SORCS1: variants seen among roughly 807,000 people sequenced by gnomAD.
SORCS1 encodes the protein sortilin related VPS10 domain containing receptor 1.
In SORCS1, 60 loss-of-function variants were observed where a neutral mutation model predicts 146.1. That is an observed-to-expected ratio of 0.41 (90% confidence interval 0.33 to 0.51). The LOEUF is 0.51. SORCS1 is among the 20% of genes least tolerant of loss of function. SORCS1 has a pLI of 0.21. For synonymous variants in SORCS1, 637 were observed against 584.0 expected, an observed-to-expected ratio of 1.09 and a Z score of -1.31; for missense variants, 1,352 against 1,487.6, an observed-to-expected ratio of 0.91 and a Z score of 1.50.
At chr10:106,913,921 A>G (rs1952286884) in intron 2 of SORCS1, among the ~76,000 whole-genome samples, 1 of 152,290 alleles carries the variant, frequency 6.6e-6, no homozygotes, top group Admixed American at 6.5e-5. Flanking sequence ...CACAGAGAAA[A>G]GAAAATACAA....
intron 13 of SORCS1, among the ~76,000 whole-genome samples, chr10:106,676,065 C>T (rs541318056): frequency 2.0e-4 from 30 of 152,248 alleles, no homozygotes; most frequent in African/African-American, 7.0e-4. Context: ...AGATGGCCAC[C>T]GAGGACCTTT....
At position 106,620,338 on chromosome 10, in the gene SORCS1, A is replaced by C. The variant is rs114542743; in HGVS notation, c.2796+90T>G. 828 of 1,512,766 alleles carry C rather than the reference A, an allele frequency of 5.5e-4. 5 individuals are homozygous for C. The African/African-American group carries it at 0.01, about 19-fold the overall frequency. The allele number at this position is 1,512,766 out of a possible 1,614,324, so 93.7% of individuals were successfully genotyped here. A position where few individuals can be genotyped will look rare whatever the true frequency, so the allele number is the denominator to read the frequency against. ...GAAGCTACAACTGCTTCTACACTCTAGGGTTCATAAGCCATTTCATTCCCT... is the reference window on the plus strand; with the variant it reads ...GAAGCTACAACTGCTTCTACACTCTCGGGTTCATAAGCCATTTCATTCCCT... On this transcript the variant is annotated intron_variant, in intron 20 of 25. Coordinates refer to ENST00000263054, the MANE Select transcript of SORCS1 (RefSeq NM_052918.5).
At chr10:106,732,613 A>C (rs1480051620) in intron 5 of SORCS1, among the ~76,000 whole-genome samples, 1 of 152,236 alleles carries the variant, frequency 6.6e-6, no homozygotes, top group Non-Finnish European at 1.5e-5. Context: ...GCAGTACCCC[A>C]GAAACACAAG....
chr10:107,102,575 C>A (rs892089694), intron 1 of SORCS1, among the ~76,000 whole-genome samples: 2 of 152,104 alleles, frequency 1.3e-5, no homozygotes, highest in Admixed American at 1.3e-4. Context: ...ATTTTGCTTC[C>A]TATGCTCAGT....
intron 3 of SORCS1, among the ~76,000 whole-genome samples, chr10:106,798,004 G>A (rs1377459440): frequency 6.6e-6 from 1 of 152,170 alleles, no homozygotes; most frequent in Non-Finnish European, 1.5e-5. Context: ...TGGTTTGGCT[G>A]TGTCCCCACC....
At chr10:107,175,288 A>G in the SORCS1 span, among the ~76,000 whole-genome samples, 6 of 152,098 alleles carry the variant, frequency 3.9e-5, no homozygotes, top group Non-Finnish European at 8.8e-5. Context: ...ATAAGAGTTC[A>G]CCCTTTCTCT....
chr10:106,770,082 G>A (rs1402909036), intron 4 of SORCS1, among the ~76,000 whole-genome samples: 1 of 152,150 alleles, frequency 6.6e-6, no homozygotes, highest in East Asian at 1.9e-4. Context: ...AAGACAGTAA[G>A]ACTGTCTCAA....
chr10:107,104,353 G>A (rs1274253625), intron 1 of SORCS1, among the ~76,000 whole-genome samples: 1 of 152,182 alleles, frequency 6.6e-6, no homozygotes, highest in Non-Finnish European at 1.5e-5. Flanking sequence ...TTATCCACTA[G>A]TTCCAAAAGA....
At chr10:106,872,089 A>C (rs1950429066) in intron 2 of SORCS1, among the ~76,000 whole-genome samples, 1 of 152,252 alleles carries the variant, frequency 6.6e-6, no homozygotes, top group Non-Finnish European at 1.5e-5. Context: ...ATGAACAATA[A>C]ACAAACATAT....
the SORCS1 span, among the ~76,000 whole-genome samples, chr10:107,175,031 C>T: frequency 1.3e-5 from 2 of 152,256 alleles, no homozygotes; most frequent in African/African-American, 2.4e-5. Flanking sequence ...AATATGGTCA[C>T]GTTTTTCTCC....
chr10:107,164,166 C>T lies in SORCS1; in HGVS notation c.361G>A (p.Gly121Arg). 6.2e-7 allele frequency: 1 copy of T among 1,612,788 alleles called. No individual in the cohort carries two copies. The highest frequency in any genetic ancestry group is 8.5e-7 in the Non-Finnish European group (1 of 1,180,006). Residue 121 changes from glycine to arginine, a missense_variant, in exon 1 of 26, where the codon GGA becomes AGA. Coordinates refer to ENST00000263054, the MANE Select transcript of SORCS1 (RefSeq NM_052918.5). The surrounding 1 kb of genome is among the most constrained non-coding windows in gnomAD (Gnocchi z 6.8). ...CGGGGGCTCCGACTCGCGCCCTCTC[C>T]CCGTTCTGCCTTCTCCTGATCCGCT... The part of the protein sequence containing the change: ...SGADQEKAER[G>R]EGASRSPRGV...
chr10:107,066,164 C>A (rs990189613), intron 1 of SORCS1, among the ~76,000 whole-genome samples: 1 of 152,112 alleles, frequency 6.6e-6, no homozygotes, highest in Non-Finnish European at 1.5e-5. Flanking sequence ...GACTCCTTTT[C>A]TCATTTGGTC....
At chr10:106,892,194 T>C (rs1003081159) in intron 2 of SORCS1, among the ~76,000 whole-genome samples, 1 of 152,314 alleles carries the variant, frequency 6.6e-6, no homozygotes. Context: ...CCAAATCAAA[T>C]GGGAACACGT....
At chr10:106,958,117 A>G (rs968098925) in intron 1 of SORCS1, among the ~76,000 whole-genome samples, 4 of 152,256 alleles carry the variant, frequency 2.6e-5, no homozygotes, top group Non-Finnish European at 4.4e-5. Context: ...CATGAGCCCA[A>G]GCACACTTGC....
chr10:106,914,257 T>C (rs1279731195), intron 2 of SORCS1, among the ~76,000 whole-genome samples: 1 of 152,218 alleles, frequency 6.6e-6, no homozygotes, highest in African/African-American at 2.4e-5. Context: ...TTTTTTCTCC[T>C]TTCTCCCATT....
chr10:106,978,574 C>A lies in SORCS1; in HGVS notation c.559-21994G>T, dbSNP rs188040408. Among the ~76,000 whole-genome samples the A allele has an allele frequency of 3.8e-3, 584 of 152,062 alleles. 4 individuals carry two copies. The highest frequency in any genetic ancestry group is 0.014 in the Middle Eastern group (4 of 294). ...CAGCACTTTGGGAGGCCGAGGCAGG[C>A]AGATCATGAGGTCAGGAGTTTGAGA... On this transcript the variant is annotated intron_variant, in intron 1 of 25. Coordinates refer to ENST00000263054, the MANE Select transcript of SORCS1 (RefSeq NM_052918.5).
chr10:106,765,667 C>T (rs1184212617), intron 4 of SORCS1, among the ~76,000 whole-genome samples: 1 of 151,974 alleles, frequency 6.6e-6, no homozygotes, highest in African/African-American at 2.4e-5. Flanking sequence ...TCCTAGTCTA[C>T]AGCAGATGAA....
intron 3 of SORCS1, among the ~76,000 whole-genome samples, chr10:106,827,039 T>C (rs1190409752): frequency 2.6e-5 from 4 of 151,146 alleles, no homozygotes; most frequent in African/African-American, 7.3e-5. Context: ...TTAGGCTCTT[T>C]GCTGTATTAT....
intron 1 of SORCS1, among the ~76,000 whole-genome samples, chr10:107,082,314 G>GGGTTT (rs1327039838): frequency 5.0e-4 from 76 of 152,070 alleles, no homozygotes; most frequent in Middle Eastern, 3.4e-3. Flanking sequence ...TTGTTTGGTT[G>GGGTTT]GGTTTTGTTT....
Sources: allele counts gnomAD v4.1 joint callset (sites outside exome capture counted in the v4.1 genomes callset), GRCh38; gene constraint gnomAD v4.1.1; non-coding constraint Gnocchi (gnomAD v3.1); transcripts MANE v1.5; gene names NCBI Gene and HGNC (gene_info 2026-07-23, HGNC 2026-07-21).